CDSN: variants seen among roughly 807,000 people sequenced by gnomAD.
The protein encoded by CDSN is S protein.
In CDSN, 11 loss-of-function variants were observed where a neutral mutation model predicts 25.6. The ratio of observed to expected loss-of-function variants is 0.43; its 90% CI spans 0.27 to 0.71. The LOEUF (loss-of-function observed/expected upper bound fraction) is 0.71. CDSN is among the 30% of genes least tolerant of loss of function. CDSN has a pLI of 0.20. For missense variants in CDSN, 598 were observed against 670.9 expected (o/e 0.89, Z 1.20); for synonymous variants, 266 against 267.4 (o/e 0.99, Z 0.05).
chr6:31,119,555 T>C lies in CDSN; in HGVS notation c.85+780A>G, dbSNP rs982726301. Among the ~76,000 whole-genome samples, 28 of 152,164 alleles carry C rather than the reference T, an allele frequency of 1.8e-4. 1 individual carries two copies. Among genetic ancestry groups the C allele is most frequent in the Non-Finnish European group, 7.3e-5 (5 of 68,038 alleles). On this transcript the variant is annotated intron_variant, in intron 1 of 1. Transcript: ENST00000376288. ...CTCTGAGCCTCAGTGTCCTCATCTG[T>C]AGAGTGGAAATAGCAAATCTCCTTT...
At chr6:31,119,928 G>T (rs989694652) in intron 1 of CDSN, among the ~76,000 whole-genome samples, 4 of 151,650 alleles carry the variant, frequency 2.6e-5, no homozygotes, top group African/African-American at 9.7e-5. Flanking sequence ...AAAAATAAAA[G>T]TTCTAATATA....
At position 31,116,662 on chromosome 6, in the gene CDSN, A is replaced by AT; in HGVS notation, c.952dup (p.Ile318AsnfsTer30). ...TTTGGTGAAGTAGCCCACAGGGTAG[A>AT]TTTTACCCTTACTGTAGGTCATGCC... On this transcript the variant is annotated frameshift_variant, in exon 2 of 2. Transcript: ENST00000376288. LOFTEE classifies it high-confidence loss of function. The AT allele has an allele frequency of 6.2e-7, 1 of 1,612,724 alleles. No homozygotes were observed.
chr6:31,118,894 G>A (rs1372705690), intron 1 of CDSN: 1 of 130,092 alleles, frequency 7.7e-6, no homozygotes, highest in Non-Finnish European at 1.6e-5. Context: ...CCAGGCTAAA[G>A]TGCAATAACA....
Position 31,115,737 on chromosome 6 carries a change from T to G in CDSN, c.*288A>C. On this transcript the variant is annotated 3_prime_UTR_variant, in exon 2 of 2. Transcript: ENST00000376288. The surrounding 1 kb of genome is among the most constrained non-coding windows in gnomAD (Gnocchi z 4.2). ...ACCATTTCCACACAGTAGAGGGAAT[T>G]GTAAGGGGTGGTGATCTGGCTGAGG... 1 of 496,840 alleles carries G rather than the reference T, an allele frequency of 2.0e-6. No individual in the cohort carries two copies. Among genetic ancestry groups the G allele is most frequent in the Non-Finnish European group, 3.6e-6 (1 of 279,994 alleles). 30.8% of individuals were successfully genotyped at this position (496,840 alleles called of 1,614,324 possible). A position where few individuals can be genotyped will look rare whatever the true frequency, so the allele number is the denominator to read the frequency against.
intron 1 of CDSN, among the ~76,000 whole-genome samples, chr6:31,119,727 G>A (rs1772361038): frequency 6.7e-6 from 1 of 148,788 alleles, no homozygotes; most frequent in African/African-American, 2.5e-5. Context: ...GTGAAACCCT[G>A]TTTCTACTAA....
At chr6:31,118,259 G>C (rs900558104) in intron 1 of CDSN, 4 of 152,504 alleles carry the variant, frequency 2.6e-5, no homozygotes, top group Non-Finnish European at 5.9e-5. Context: ...TTCTTCGTGA[G>C]AGCCCAGGCT....
rs1399443202 is a variant in CDSN, at chr6:31,116,944, T to C, written c.671A>G (p.Asp224Gly). 6.2e-7 allele frequency: 1 copy of C among 1,613,284 alleles called. No homozygotes were observed. Among genetic ancestry groups the C allele is most frequent in the Middle Eastern group, 1.6e-4 (1 of 6,062 alleles). Residue 224 changes from aspartate (D) to glycine (G), a missense_variant, in exon 2 of 2, where the codon GAC becomes GGC. Asp to Gly is a moderately conservative substitution (Grantham distance 94). Coordinates refer to ENST00000376288, the MANE Select transcript of CDSN (RefSeq NM_001264.5). ...NQRPCSSDIP[D>G]SPCSGGPIVS... ...GATGGGCCCTCCACTGCAGGGAGAGTCGGGGATGTCCGAACTACAGGGACG... is the reference window on the plus strand; with the variant it reads ...GATGGGCCCTCCACTGCAGGGAGAGCCGGGGATGTCCGAACTACAGGGACG...
At position 31,117,144 on chromosome 6, in the gene CDSN, G is replaced by A; in HGVS notation, c.471C>T (p.Ser157=). 1.2e-6 allele frequency: 2 copies of A among 1,610,002 alleles called. No homozygotes were observed. Among genetic ancestry groups the A allele is most frequent in the South Asian group, 1.1e-5 (1 of 90,892 alleles). ...TGCTGCTGAACTGAAAGCTGCTGCT[G>A]CTGCTCGAATGAGAGCTGCTGCTTC... is the stretch of plus-strand genomic sequence containing the variant. ...HSGSSSSHSS[S]SSSFQFSSSS... is the part of the protein sequence containing the mutation. Residue 157 remains serine (S), a synonymous_variant, in exon 2 of 2, where the codon AGC becomes AGT. Coordinates refer to ENST00000376288, the MANE Select transcript of CDSN (RefSeq NM_001264.5).
At chr6:31,119,679 A>T (rs1772358338) in intron 1 of CDSN, among the ~76,000 whole-genome samples, 1 of 152,190 alleles carries the variant, frequency 6.6e-6, no homozygotes, top group East Asian at 1.9e-4. Flanking sequence ...CGAGCGGATC[A>T]CTTGAGTCAG....
At chr6:31,119,518 C>G (rs9263670) in intron 1 of CDSN, among the ~76,000 whole-genome samples, 118,959 of 152,016 alleles carry the variant, frequency 0.78, 47,180 homozygotes, top group African/African-American at 0.9. Context: ...TCTTGAGCTA[C>G]TTTCCTAACT....
In CDSN at chr6:31,117,499, G is replaced by A; in HGVS notation, c.116C>T (p.Ser39Leu). The A allele has an allele frequency of 6.4e-7, 1 of 1,551,282 alleles. No homozygotes were observed. ...ACGCGTGGGGTCCTTACAAGGGTCT[G>A]AGAAGGTGCCAATGCTCTTAGCCAA... ...GTLAKSIGTF[S>L]DPCKDPTRIT... The change falls in exon 2 of 2, where the codon TCA becomes TTA. Residue 39 changes from serine to leucine, a missense_variant. By Grantham distance (145) the Ser-to-Leu change is moderately radical. Transcript: ENST00000376288.
intron 1 of CDSN, 43 bp from the exon 2 acceptor site, chr6:31,117,572 G>C (rs751422043): frequency 6.6e-7 from 1 of 1,510,282 alleles, no homozygotes; most frequent in South Asian, 1.2e-5. Context: ...AGGAGGCTTG[G>C]CTTCCTCCCT....
chr6:31,120,423 G>A lies in CDSN; in HGVS notation c.-4C>T, dbSNP rs774327734. 1.2e-5 allele frequency: 19 copies of A among 1,576,554 alleles called. No individual in the cohort carries two copies. The highest frequency in any genetic ancestry group is 2.3e-5 in the East Asian group (1 of 42,632). On this transcript the variant is annotated 5_prime_UTR_variant, in exon 1 of 2. Coordinates refer to ENST00000376288, the MANE Select transcript of CDSN (RefSeq NM_001264.5). ...AGGGTGCCCGAGACGAGCCCATCTC[G>A]GACTGCACGGCCTCCTGACTGATGG...
chr6:31,115,974 T>A lies in CDSN; in HGVS notation c.*51A>T. 6.7e-7 allele frequency: 1 copy of A among 1,493,958 alleles called. No individual in the cohort carries two copies. Among genetic ancestry groups the A allele is most frequent in the East Asian group, 2.3e-5 (1 of 44,116 alleles). The allele number at this position is 1,493,958 out of a possible 1,614,324, so 92.5% of individuals were successfully genotyped here. A position where few individuals can be genotyped will look rare whatever the true frequency, so the allele number is the denominator to read the frequency against. On this transcript the variant is annotated 3_prime_UTR_variant, in exon 2 of 2. Transcript: ENST00000376288. This position sits in a 1 kb window ranked among gnomAD's most constrained non-coding sequence, Gnocchi z 4.2. ...TGGACTTCTCCCATATGGGATATAG[T>A]GTATGTGCTTGTTTGTGCCCAAGGC...
Sources: gnomAD v4.1 joint callset for allele counts (sites outside exome capture counted in the v4.1 genomes callset) on GRCh38, gnomAD v4.1.1 for gene constraint, Gnocchi (gnomAD v3.1) non-coding constraint, MANE v1.5 for transcripts, NCBI Gene and HGNC (gene_info 2026-07-23, HGNC 2026-07-21) for gene names.